Variants in PHTF2 observed in about 807,000 individuals in gnomAD.
The protein encoded by PHTF2 is putative homeodomain transcription factor 2.
Under a neutral mutation model 101.2 loss-of-function variants are expected in PHTF2, and 60 were observed. That is an observed-to-expected ratio of 0.59 (90% CI 0.48 to 0.73). The LOEUF (loss-of-function observed/expected upper bound fraction) is 0.73, where lower values mean the gene tolerates loss of function less well. PHTF2 is among the 30% of genes least tolerant of loss of function. The probability of loss-of-function intolerance (pLI) is 0.00; values close to 1 mark genes in which losing one functional copy is unlikely to be tolerated. For missense variants in PHTF2, 747 were observed against 908.7 expected, an observed-to-expected ratio of 0.82 and a Z score of 2.29; for synonymous variants, 311 against 307.3, an observed-to-expected ratio of 1.01 and a Z score of -0.13.
chr7:77,895,120 G>C, intron 5 of PHTF2: 1 of 454,938 alleles, frequency 2.2e-6, no homozygotes, highest in South Asian at 1.6e-5. Flanking sequence ...TTAGAATTCT[G>C]TTATAGAAAT....
At chr7:77,834,600 C>T (rs1344150233) in intron 1 of PHTF2, among the ~76,000 whole-genome samples, 1 of 152,142 alleles carries the variant, frequency 6.6e-6, no homozygotes, top group Non-Finnish European at 1.5e-5. Context: ...AGCTCTTTTT[C>T]TTTTCACACA....
Position 77,940,481 on chromosome 7 carries a change from C to G in PHTF2, c.1741-47C>G, listed in dbSNP as rs139562454. On this transcript the variant is annotated intron_variant, in intron 14 of 19. Transcript: ENST00000416283. ...TTCATATTTTGTTAATTTTGTTTTT[C>G]TGTGGTAATCTACTTGAAAATTAAT... 3.8e-3 allele frequency: 5,646 copies of G among 1,491,746 alleles called. 47 individuals carry two copies. The highest frequency in any genetic ancestry group is 0.018 in the South Asian group (1,336 of 76,038). 92.4% of individuals were successfully genotyped at this position (1,491,746 alleles called of 1,614,324 possible). A position where few individuals can be genotyped will look rare whatever the true frequency, so the allele number is the denominator to read the frequency against.
intron 1 of PHTF2, among the ~76,000 whole-genome samples, chr7:77,811,966 G>A (rs769246870): frequency 6.6e-6 from 1 of 152,262 alleles, no homozygotes; most frequent in South Asian, 2.1e-4. Flanking sequence ...ATAAAAAAGT[G>A]AATATAGGCA....
exon 17 of PHTF2, chr7:77,949,706 A>G (rs559476833): frequency 1.3e-6 from 2 of 1,576,678 alleles, no homozygotes; most frequent in East Asian, 2.3e-5. Flanking sequence ...ATCTTCCTTG[A>G]TTGTCACTAC....
At chr7:77,823,352 T>G (rs1416798158) in intron 1 of PHTF2, among the ~76,000 whole-genome samples, 10 of 151,946 alleles carry the variant, frequency 6.6e-5, no homozygotes, top group Non-Finnish European at 5.9e-5. Flanking sequence ...TCCCGAGTAG[T>G]TGGGACTACA....
intron 3 of PHTF2, among the ~76,000 whole-genome samples, chr7:77,867,845 C>T (rs1798191756): frequency 6.6e-6 from 1 of 152,182 alleles, no homozygotes; most frequent in Non-Finnish European, 1.5e-5. Flanking sequence ...TGTAAAACAT[C>T]TGTGCAGTTC....
intron 3 of PHTF2, among the ~76,000 whole-genome samples, chr7:77,878,791 A>G (rs1799159327): frequency 6.6e-6 from 1 of 152,198 alleles, no homozygotes; most frequent in Non-Finnish European, 1.5e-5. Flanking sequence ...TAAATGAGAG[A>G]TGGGTATTGA....
chr7:77,955,846 C>A (rs1806961170), exon 20 of PHTF2: 1 of 152,332 alleles, frequency 6.6e-6, no homozygotes, highest in Admixed American at 6.5e-5. Flanking sequence ...TAAAATATTT[C>A]TCTAATTGCT....
At chr7:77,871,374 G>A (rs192799834) in intron 3 of PHTF2, among the ~76,000 whole-genome samples, 1 of 152,262 alleles carries the variant, frequency 6.6e-6, no homozygotes, top group East Asian at 1.9e-4. Context: ...TTAGCCTGTT[G>A]ACTTAAAGGT....
At chr7:77,889,498 G>C (rs963209469) in intron 3 of PHTF2, among the ~76,000 whole-genome samples, 6 of 150,984 alleles carry the variant, frequency 4.0e-5, no homozygotes, top group Non-Finnish European at 5.9e-5. Context: ...GTTAACCAGC[G>C]TCCTCACAAA....
chr7:77,912,017 CTTTTG>C (rs1464774220), intron 9 of PHTF2, among the ~76,000 whole-genome samples: 1 of 152,142 alleles, frequency 6.6e-6, no homozygotes, highest in Non-Finnish European at 1.5e-5. Context: ...GGGAATCATT[CTTTTG>C]TTTTGGTTGT....
chr7:77,841,667 A>G (rs1161856182), intron 2 of PHTF2, among the ~76,000 whole-genome samples: 4 of 152,136 alleles, frequency 2.6e-5, no homozygotes, highest in African/African-American at 9.7e-5. Context: ...ATAGGTATAC[A>G]ATTATATTTT....
chr7:77,930,970 A>T (rs1337316443), intron 12 of PHTF2, among the ~76,000 whole-genome samples: 1 of 152,340 alleles, frequency 6.6e-6, no homozygotes, highest in East Asian at 1.9e-4. Flanking sequence ...TAGACATATA[A>T]ACATATATAC....
chr7:77,923,137 T>TA (rs1401196636), intron 11 of PHTF2: 2 of 989,248 alleles, frequency 2.0e-6, no homozygotes, highest in African/African-American at 3.5e-5. Context: ...TTATTTTAAG[T>TA]AACTTCCTTC....
intron 7 of PHTF2, among the ~76,000 whole-genome samples, chr7:77,908,283 T>C (rs1296915780): frequency 6.6e-6 from 1 of 152,206 alleles, no homozygotes; most frequent in Non-Finnish European, 1.5e-5. Context: ...AAACAAGATT[T>C]CCCTTCATGT....
At chr7:77,871,990 G>A (rs13229164) in intron 3 of PHTF2, among the ~76,000 whole-genome samples, 24,489 of 152,112 alleles carry the variant, frequency 0.16, 2,238 homozygotes, top group African/African-American at 0.24. Flanking sequence ...TGCCCTTTCC[G>A]TGATGGAAAA....
intron 11 of PHTF2, chr7:77,923,878 T>G: frequency 1.0e-6 from 1 of 978,604 alleles, no homozygotes; most frequent in South Asian, 4.7e-5. Flanking sequence ...TTGAGTTTCT[T>G]GAAGCGCAGA....
intron 1 of PHTF2, among the ~76,000 whole-genome samples, chr7:77,799,317 C>T (rs961095301): frequency 2.0e-5 from 3 of 152,242 alleles, no homozygotes; most frequent in African/African-American, 7.2e-5. Context: ...TCCTTTGCTT[C>T]CTTCCCTTGG....
intron 1 of PHTF2, among the ~76,000 whole-genome samples, chr7:77,816,921 C>G (rs551121322): frequency 4.6e-5 from 7 of 152,192 alleles, no homozygotes; most frequent in African/African-American, 1.4e-4. Flanking sequence ...TATGGCAAAA[C>G]AGTATTCCAC....
Sources: allele counts gnomAD v4.1 joint callset (sites outside exome capture counted in the v4.1 genomes callset), GRCh38; gene constraint gnomAD v4.1.1; transcripts MANE v1.5; gene names NCBI Gene and HGNC (gene_info 2026-07-23, HGNC 2026-07-21).